MYEF2: variants seen among roughly 807,000 people sequenced by gnomAD.
The protein encoded by MYEF2 is myelin gene expression factor 2.
Under a neutral mutation model 75.2 loss-of-function variants are expected in MYEF2, and 37 were observed. The ratio of observed to expected loss-of-function variants is 0.49; its 90% CI spans 0.38 to 0.65. The LOEUF is 0.65. MYEF2 is among the 30% of genes least tolerant of loss of function. The probability of loss-of-function intolerance (pLI) is 0.00; values close to 1 mark genes in which losing one functional copy is unlikely to be tolerated. For missense variants in MYEF2, 634 were observed against 771.4 expected (o/e 0.82, Z 2.11); for synonymous variants, 195 against 241.6 (o/e 0.81, Z 1.79).
chr15:48,172,400 CAAA>C (rs1226662209), intron 1 of MYEF2, among the ~76,000 whole-genome samples: 1 of 84,964 alleles, frequency 1.2e-5, no homozygotes, highest in Non-Finnish European at 2.4e-5. Flanking sequence ...GACTCTGTAT[CAAA>C]AAAAAAAAAA....
Position 48,158,769 on chromosome 15 carries a change from A to C in MYEF2, c.871T>G (p.Ser291Ala). ...EQAIEAVQAI[S>A]MFNGQFLFDR... ...AATGCTGAAATGTAAATCAGGATAC[A>C]AATTGCTTGAACTGCTTCAATTGCT... Residue 291 changes from serine to alanine, a missense_variant and splice_region_variant, in exon 7 of 17, where the codon TCT (serine) becomes GCT (alanine). Ser to Ala is a moderately conservative substitution (Grantham distance 99, BLOSUM62 1). Transcript: ENST00000324324. 1 of 1,613,408 alleles carries C rather than the reference A, an allele frequency of 6.2e-7. No homozygotes were observed. The highest frequency in any genetic ancestry group is 8.5e-7 in the Non-Finnish European group (1 of 1,179,574).
Position 48,141,314 on chromosome 15 carries a change from C to G in MYEF2, c.*1594G>C. Reference sequence around the variant, plus strand: ...TTACTTCCAGCCGGGTGTGGTGGCTCGCGCCTGTAATCCCAGGATTTTGGG... The same window carrying G: ...TTACTTCCAGCCGGGTGTGGTGGCTGGCGCCTGTAATCCCAGGATTTTGGG... On this transcript the variant is annotated 3_prime_UTR_variant, in exon 17 of 17. Coordinates refer to ENST00000324324, the MANE Select transcript of MYEF2 (RefSeq NM_016132.5). 1.1e-6 allele frequency: 1 copy of G among 951,818 alleles called. No individual in the cohort carries two copies. Among genetic ancestry groups the G allele is most frequent in the Non-Finnish European group, 1.6e-6 (1 of 628,674 alleles). The allele number at this position is 951,818 out of a possible 1,614,324, so 59.0% of individuals were successfully genotyped here. A position where few individuals can be genotyped will look rare whatever the true frequency, so the allele number is the denominator to read the frequency against.
intron 5 of MYEF2, chr15:48,163,009 C>A (rs1048974757): frequency 6.6e-6 from 1 of 152,052 alleles, no homozygotes; most frequent in Non-Finnish European, 1.5e-5. Context: ...AAAAGTTAGA[C>A]ATGATTAAGC....
chr15:48,143,148 T>C (rs774124428), intron 16 of MYEF2, 77 bp from the exon 17 acceptor site: 27 of 879,890 alleles, frequency 3.1e-5, no homozygotes, highest in Non-Finnish European at 4.1e-5. Context: ...AAATTCCTCA[T>C]AGCCAATTGT....
intron 1 of MYEF2, among the ~76,000 whole-genome samples, chr15:48,173,631 A>G (rs1475631655): frequency 6.6e-6 from 1 of 152,132 alleles, no homozygotes; most frequent in African/African-American, 2.4e-5. Context: ...CAAAAAAACT[A>G]TTAGAACAAA....
At chr15:48,176,585 T>A (rs1042997557) in intron 1 of MYEF2, among the ~76,000 whole-genome samples, 3 of 152,166 alleles carry the variant, frequency 2.0e-5, no homozygotes, top group Non-Finnish European at 4.4e-5. Context: ...TTCCCCTATA[T>A]CAAAACTAAT....
rs2038969206 is a variant in MYEF2, at chr15:48,138,881, T to C, written c.*4027A>G. ...GCCTTTTAAAAACTGATACAGCTAATTTATTTCAATATAACTTTCTAAATA... is the reference window on the plus strand; with the variant it reads ...GCCTTTTAAAAACTGATACAGCTAACTTATTTCAATATAACTTTCTAAATA... On this transcript the variant is annotated 3_prime_UTR_variant, in exon 17 of 17. Coordinates refer to ENST00000324324, the MANE Select transcript of MYEF2 (RefSeq NM_016132.5). 1 of 974,574 alleles carries C rather than the reference T, an allele frequency of 1.0e-6. No individual in the cohort carries two copies. Among genetic ancestry groups the C allele is most frequent in the East Asian group, 2.5e-5 (1 of 40,516 alleles). 60.4% of individuals were successfully genotyped at this position (974,574 alleles called of 1,614,324 possible).
Position 48,142,790 on chromosome 15 carries a change from G to A in MYEF2, c.*118C>T. 1.0e-6 allele frequency: 1 copy of A among 964,258 alleles called. No individual in the cohort carries two copies. The highest frequency in any genetic ancestry group is 1.5e-6 in the Non-Finnish European group (1 of 673,032). The allele number at this position is 964,258 out of a possible 1,614,324, so 59.7% of individuals were successfully genotyped here. On this transcript the variant is annotated 3_prime_UTR_variant, in exon 17 of 17. Transcript: ENST00000324324. ...ACATTATACTGTTAAAAGCTGGTGG[G>A]AGTTTTAAAAGTTCATTTTTACAGC...
At chr15:48,157,688 T>C in intron 9 of MYEF2, 1 of 949,334 alleles carries the variant, frequency 1.1e-6, no homozygotes, top group Non-Finnish European at 1.3e-6. Flanking sequence ...AATGTTATAA[T>C]GAGGTTACCC....
intron 1 of MYEF2, among the ~76,000 whole-genome samples, chr15:48,171,849 C>T (rs1265147359): frequency 6.6e-6 from 1 of 152,004 alleles, no homozygotes; most frequent in African/African-American, 2.4e-5. Context: ...TTTAGACAAC[C>T]ACTCCCACAA....
intron 5 of MYEF2, among the ~76,000 whole-genome samples, chr15:48,163,805 T>C (rs917332988): frequency 6.6e-6 from 1 of 152,196 alleles, no homozygotes; most frequent in African/African-American, 2.4e-5. Flanking sequence ...GTCTGTGCTC[T>C]GTAAATGAAA....
chr15:48,143,107 T>A, intron 16 of MYEF2, 36 bp from the exon 17 acceptor site: 1 of 1,414,008 alleles, frequency 7.1e-7, no homozygotes, highest in Non-Finnish European at 9.3e-7. Flanking sequence ...CTAGTCAGTT[T>A]AAATAAGTTC....
chr15:48,174,939 T>C (rs1485419074), intron 1 of MYEF2, among the ~76,000 whole-genome samples: 2 of 152,200 alleles, frequency 1.3e-5, no homozygotes, highest in African/African-American at 2.4e-5. Context: ...CTTCTGGGTA[T>C]ATATCCAATG....
intron 10 of MYEF2, chr15:48,152,793 T>C (rs1466758075): frequency 6.6e-6 from 1 of 152,516 alleles, no homozygotes; most frequent in East Asian, 1.9e-4. Context: ...AGAAAACTTG[T>C]TTGGATCAGA....
chr15:48,143,415 ATATT>A (rs1317651274), intron 16 of MYEF2, among the ~76,000 whole-genome samples: 1 of 152,078 alleles, frequency 6.6e-6, no homozygotes, highest in African/African-American at 2.4e-5. Flanking sequence ...ACAAACTTAC[ATATT>A]TAAACAAAAT....
chr15:48,170,857 T>C (rs1005537148), intron 1 of MYEF2, among the ~76,000 whole-genome samples: 6 of 152,318 alleles, frequency 3.9e-5, no homozygotes, highest in Middle Eastern at 6.8e-3. Flanking sequence ...TTTTAATGAA[T>C]TAACAGTCAA....
rs529119024 is a variant in MYEF2 at position 48,159,033 on chromosome 15, T to C, written c.718-111A>G. The C allele has an allele frequency of 6.8e-6, 6 of 881,812 alleles. 1 individual carries two copies. Among genetic ancestry groups the C allele is most frequent in the Admixed American group, 2.8e-5 (1 of 35,400 alleles). The allele number at this position is 881,812 out of a possible 1,614,324, so 54.6% of individuals were successfully genotyped here. A position where few individuals can be genotyped will look rare whatever the true frequency, so the allele number is the denominator to read the frequency against. On this transcript the variant is annotated intron_variant, in intron 6 of 16. Coordinates refer to ENST00000324324, the MANE Select transcript of MYEF2 (RefSeq NM_016132.5). ...AACCATAAAGAACCATAATTCTAGT[T>C]CAACAATATATTGATAATGTTCAAA...
intron 14 of MYEF2, chr15:48,150,099 A>G (rs1454804630): frequency 6.6e-6 from 1 of 152,006 alleles, no homozygotes; most frequent in Non-Finnish European, 1.5e-5. Flanking sequence ...GTCCTTTTCA[A>G]TTGCTCCCAT....
chr15:48,142,960 C>G lies in MYEF2; in HGVS notation c.1751G>C (p.Gly584Ala). The G allele has an allele frequency of 6.2e-7, 1 of 1,600,890 alleles. No individual in the cohort carries two copies. The highest frequency in any genetic ancestry group is 8.5e-7 in the Non-Finnish European group (1 of 1,174,372). ...AATTTCTCTGCCACTGATTTTTATG[C>G]CATTCATTATTCTGCAGGCTTTTTC... is the stretch of plus-strand genomic sequence containing the variant. The part of the protein sequence containing the change: ...SAEKACRIMN[G>A]IKISGREIDV... The change falls in exon 17 of 17, where the codon GGC (glycine) becomes GCC (alanine). Residue 584 changes from glycine to alanine, a missense_variant. By Grantham distance (60) the Gly-to-Ala change is moderately conservative (BLOSUM62 0). Coordinates refer to ENST00000324324, the MANE Select transcript of MYEF2 (RefSeq NM_016132.5).
Sources: gnomAD v4.1 joint callset for allele counts (sites outside exome capture counted in the v4.1 genomes callset) on GRCh38, gnomAD v4.1.1 for gene constraint, MANE v1.5 for transcripts, NCBI Gene and HGNC (gene_info 2026-07-23, HGNC 2026-07-21) for gene names.